The following AKR1C1 variants were observed in gnomAD, a reference collection of about 807,000 sequenced individuals.
AKR1C1 encodes the protein aldo-keto reductase family 1 member C1, also known as 20 alpha-hydroxysteroid dehydrogenase.
Under a neutral mutation model 40.6 loss-of-function variants are expected in AKR1C1, and 32 were observed. The ratio of observed to expected loss-of-function variants is 0.79; its 90% CI spans 0.60 to 1.06. AKR1C1 has a LOEUF of 1.06. AKR1C1 is among the 50% of genes least tolerant of loss of function. The pLI, the probability that AKR1C1 is intolerant of heterozygous loss-of-function variation, is 0.00. For missense variants in AKR1C1, 320 were observed against 363.5 expected (o/e 0.88, Z 0.97); for synonymous variants, 105 against 134.2 (o/e 0.78, Z 1.50).
At chr10:4,966,479 A>G (rs1255709191) in intron 2 of AKR1C1, among the ~76,000 whole-genome samples, 1 of 152,232 alleles carries the variant, frequency 6.6e-6, no homozygotes, top group Admixed American at 6.5e-5. Flanking sequence ...CTCTGTGAGT[A>G]TTAAAGAATA....
chr10:4,974,270 T>G (rs1427992293), intron 7 of AKR1C1, among the ~76,000 whole-genome samples: 2 of 151,880 alleles, frequency 1.3e-5, no homozygotes, highest in African/African-American at 4.8e-5. Flanking sequence ...ATGTGTTATA[T>G]AATATATATG....
intron 6 of AKR1C1, 94 bp from the exon 7 acceptor site, chr10:4,972,490 C>T (rs1836446621): frequency 3.8e-6 from 6 of 1,598,904 alleles, no homozygotes; most frequent in East Asian, 2.2e-5. Flanking sequence ...TGAGAAGCTC[C>T]GGTGCAGAGT....
rs1365113676 is a variant in AKR1C1 at position 4,978,802 on chromosome 10, G to C, written c.*1060G>C. The C allele has an allele frequency of 6.6e-6, 1 of 152,174 alleles. No homozygotes were observed. The highest frequency in any genetic ancestry group is 1.5e-5 in the Non-Finnish European group (1 of 68,030). 9.4% of individuals were successfully genotyped at this position (152,174 alleles called of 1,614,324 possible). Reference sequence around the variant, plus strand: ...AGACTTCAAAGGTCTTTTGGAAACAGGCTATGTAAAACAGCACACTGGTTT... The same window carrying C: ...AGACTTCAAAGGTCTTTTGGAAACACGCTATGTAAAACAGCACACTGGTTT... On this transcript the variant is annotated 3_prime_UTR_variant, in exon 9 of 9. Coordinates refer to ENST00000380872, the MANE Select transcript of AKR1C1 (RefSeq NM_001353.6).
Position 4,977,890 on chromosome 10 carries a change from G to C in AKR1C1, c.*148G>C. The C allele has an allele frequency of 8.3e-7, 1 of 1,209,854 alleles. No homozygotes were observed. The highest frequency in any genetic ancestry group is 1.2e-6 in the Non-Finnish European group (1 of 868,116). The allele number at this position is 1,209,854 out of a possible 1,614,324, so 74.9% of individuals were successfully genotyped here. Reference sequence around the variant, plus strand: ...CAGCAAGCTACAGCAAAGCCCATTGGCCAGAAAGGAAAGACAATAATTTTG... The same window carrying C: ...CAGCAAGCTACAGCAAAGCCCATTGCCCAGAAAGGAAAGACAATAATTTTG... On this transcript the variant is annotated 3_prime_UTR_variant, in exon 9 of 9. Transcript: ENST00000380872.
chr10:4,971,495 C>A (rs186742967), intron 5 of AKR1C1, among the ~76,000 whole-genome samples: 1,816 of 126,198 alleles, frequency 0.014, 43 homozygotes, highest in African/African-American at 0.053. Context: ...ATCTACTCAG[C>A]ATATATATAT....
At chr10:4,969,510 TG>T (rs11330324) in intron 5 of AKR1C1, among the ~76,000 whole-genome samples, 49,168 of 148,838 alleles carry the variant, frequency 0.33, 8,932 homozygotes, top group African/African-American at 0.48. Context: ...AACCTGTTTA[TG>T]GGAGATATCT....
intron 5 of AKR1C1, chr10:4,969,848 TGAA>T (rs1238129128): frequency 4.7e-6 from 5 of 1,070,592 alleles, no homozygotes; most frequent in Non-Finnish European, 4.1e-6. Flanking sequence ...AGTCAATCAG[TGAA>T]GATCTACAGT....
At chr10:4,967,292 A>G (rs1836348537) in intron 3 of AKR1C1, 1 of 1,128,794 alleles carries the variant, frequency 8.9e-7, no homozygotes, top group Non-Finnish European at 1.1e-6. Flanking sequence ...TGAGGAAATG[A>G]TAGTCATCTC....
In AKR1C1 at chr10:4,980,798, TC is replaced by T. The variant is rs1836603318; in HGVS notation, c.*3057del. ...GAATTCACTTCTTTCAAACTCCTGT[TC>T]AAGTAAATGTTTTGCCCTCCTGTCA... On this transcript the variant is annotated 3_prime_UTR_variant, in exon 9 of 9. Transcript: ENST00000380872. The T allele has an allele frequency of 6.6e-6, 1 of 152,088 alleles. No homozygotes were observed. Among genetic ancestry groups the T allele is most frequent in the South Asian group, 2.1e-4 (1 of 4,816 alleles). The allele number at this position is 152,088 out of a possible 1,614,324, so 9.4% of individuals were successfully genotyped here.
chr10:4,965,251 TTTC>T (rs1253135820), intron 1 of AKR1C1, among the ~76,000 whole-genome samples: 2 of 152,152 alleles, frequency 1.3e-5, no homozygotes, highest in African/African-American at 4.8e-5. Context: ...CTCGTGTTAA[TTTC>T]TTTTTTTGTT....
intron 2 of AKR1C1, 42 bp downstream of exon 2, chr10:4,966,123 G>C (rs765676735): frequency 1.3e-5 from 21 of 1,584,916 alleles, no homozygotes; most frequent in Non-Finnish European, 1.8e-5. Flanking sequence ...TGTATTTATT[G>C]TGATTGTGTG....
At chr10:4,969,333 TA>T (rs1169144489) in intron 5 of AKR1C1, among the ~76,000 whole-genome samples, 3 of 152,162 alleles carry the variant, frequency 2.0e-5, no homozygotes, top group Non-Finnish European at 4.4e-5. Context: ...GAACAGTACA[TA>T]AGGAGAGAGT....
At chr10:4,968,499 C>T (rs1294701709) in intron 4 of AKR1C1, 113 bp downstream of exon 4, 1 of 1,494,580 alleles carries the variant, frequency 6.7e-7, no homozygotes, top group Non-Finnish European at 9.1e-7. Flanking sequence ...AACTTAGGAA[C>T]TTTACAAAGG....
At position 4,968,212 on chromosome 10, in the gene AKR1C1, C is replaced by G. The variant is rs1184796893; in HGVS notation, c.370-97C>G. The G allele has an allele frequency of 5.1e-6, 7 of 1,376,166 alleles. No individual in the cohort carries two copies. In the African/African-American group the frequency reaches 9.7e-5, roughly 19 times the overall value. The allele number at this position is 1,376,166 out of a possible 1,614,324, so 85.2% of individuals were successfully genotyped here. A position where few individuals can be genotyped will look rare whatever the true frequency, so the allele number is the denominator to read the frequency against. ...CTCTCTGGAGCACTGCATCACCTAC[C>G]TCATGGAGGATTAGTGTCCTTAAAT... is the stretch of plus-strand genomic sequence containing the variant. On this transcript the variant is annotated intron_variant, in intron 3 of 8. Transcript: ENST00000380872.
chr10:4,977,686 T>G lies in AKR1C1; in HGVS notation c.930-14T>G. ...ATTGCCATTCAGAGTGTGCATTTTT[T>G]TTTCTCTTTCCAGTTTTGCTGGCCC... On this transcript the variant is annotated splice_polypyrimidine_tract_variant and intron_variant, in intron 8 of 8. Coordinates refer to ENST00000380872, the MANE Select transcript of AKR1C1 (RefSeq NM_001353.6). The G allele has an allele frequency of 6.2e-7, 1 of 1,612,352 alleles. No individual in the cohort carries two copies. Among genetic ancestry groups the G allele is most frequent in the Non-Finnish European group, 8.5e-7 (1 of 1,179,510 alleles).
Position 4,982,850 on chromosome 10 carries a change from A to C in AKR1C1, c.*5108A>C, listed in dbSNP as rs116078635. On this transcript the variant is annotated 3_prime_UTR_variant, in exon 9 of 9. Coordinates refer to ENST00000380872, the MANE Select transcript of AKR1C1 (RefSeq NM_001353.6). ...TTCCCAGGAAGGAGAAAATGCCTGC[A>C]TGAGCTCAGCTGTTACCACTGCGTA... 5.1e-6 allele frequency: 2 copies of C among 395,288 alleles called. No homozygotes were observed. Among genetic ancestry groups the C allele is most frequent in the African/African-American group, 4.1e-5 (2 of 48,260 alleles). The allele number at this position is 395,288 out of a possible 1,614,324, so 24.5% of individuals were successfully genotyped here. A position where few individuals can be genotyped will look rare whatever the true frequency, so the allele number is the denominator to read the frequency against.
At chr10:4,973,307 T>A (rs1209698867) in intron 7 of AKR1C1, among the ~76,000 whole-genome samples, 3 of 152,000 alleles carry the variant, frequency 2.0e-5, no homozygotes, top group African/African-American at 7.3e-5. Flanking sequence ...CAAGGTTCCA[T>A]GGTTAGAAAA....
At position 4,982,818 on chromosome 10, in the gene AKR1C1, AG is replaced by A. The variant is rs1836640723; in HGVS notation, c.*5077del. On this transcript the variant is annotated 3_prime_UTR_variant, in exon 9 of 9. Transcript: ENST00000380872. ...CACAGCACCTCAAGGAAGAATAAAT[AG>A]AACTGTTCCCAGGAAGGAGAAAATG... 1 of 362,616 alleles carries A rather than the reference AG, an allele frequency of 2.8e-6. No individual in the cohort carries two copies. 22.5% of individuals were successfully genotyped at this position (362,616 alleles called of 1,614,324 possible).
Position 4,982,436 on chromosome 10 carries a change from C to T in AKR1C1, c.*4694C>T, listed in dbSNP as rs1836633805. The T allele has an allele frequency of 6.6e-6, 1 of 150,480 alleles. No individual in the cohort carries two copies. Among genetic ancestry groups the T allele is most frequent in the Non-Finnish European group, 1.5e-5 (1 of 68,014 alleles). 9.3% of individuals were successfully genotyped at this position (150,480 alleles called of 1,614,324 possible). A position where few individuals can be genotyped will look rare whatever the true frequency, so the allele number is the denominator to read the frequency against. The stretch of plus-strand genomic sequence containing the variant: ...GCTGTAAGCGGCCCACTACTTCCCA[C>T]TCCCTTTTTTGAACTCTTCTGTGCA... On this transcript the variant is annotated 3_prime_UTR_variant, in exon 9 of 9. Transcript: ENST00000380872.
Sources: allele counts gnomAD v4.1 joint callset (sites outside exome capture counted in the v4.1 genomes callset), GRCh38; gene constraint gnomAD v4.1.1; transcripts MANE v1.5; gene names NCBI Gene and HGNC (gene_info 2026-07-23, HGNC 2026-07-21).